ROBO2: variants seen among roughly 807,000 people sequenced by gnomAD.
ROBO2 encodes roundabout guidance receptor 2, also known as roundabout homolog 2.
A neutral mutation model predicts 160.8 loss-of-function variants in ROBO2; 53 were observed. That is an observed-to-expected ratio of 0.33 (90% CI 0.26 to 0.41). The LOEUF (loss-of-function observed/expected upper bound fraction) is 0.41. Ranked by LOEUF, ROBO2 falls within the 10% of genes least tolerant of loss-of-function variation. The pLI, the probability that ROBO2 is intolerant of heterozygous loss-of-function variation, is 1.00. For synonymous variants in ROBO2, 664 were observed against 611.7 expected (o/e 1.09, Z -1.26); for missense variants, 1,577 against 1,722.4 (o/e 0.92, Z 1.49).
chr3:76,441,676 G>C (rs2076932431), intron 2 of ROBO2, among the ~76,000 whole-genome samples: 1 of 152,134 alleles, frequency 6.6e-6, no homozygotes, highest in South Asian at 2.1e-4. Context: ...AAGAGAGCAA[G>C]GGAGTCCATT....
At chr3:77,143,693 G>C (rs1260486676) in intron 2 of ROBO2, among the ~76,000 whole-genome samples, 1 of 152,106 alleles carries the variant, frequency 6.6e-6, no homozygotes, top group Non-Finnish European at 1.5e-5. Context: ...AAAATATAGA[G>C]TCGAGAGTAT....
chr3:76,402,348 C>A (rs1310752997), intron 2 of ROBO2, among the ~76,000 whole-genome samples: 1 of 151,520 alleles, frequency 6.6e-6, no homozygotes, highest in African/African-American at 2.4e-5. Context: ...TGCTTGACGA[C>A]ATTTCTGTAA....
In ROBO2 at chr3:76,141,078, A is replaced by ATATATATATATATATATATATAT. The variant is rs1559585714; in HGVS notation, c.109+203476_109+203477insTATATATATATATATATATATAT. Among the ~76,000 whole-genome samples the ATATATATATATATATATATATAT allele has an allele frequency of 2.9e-3, 51 of 17,538 alleles. 5 individuals are homozygous for ATATATATATATATATATATATAT. The highest frequency in any genetic ancestry group is 8.1e-3 in the African/African-American group (50 of 6,162). 11.5% of individuals were successfully genotyped at this position (17,538 alleles called of 152,430 possible). On this transcript the variant is annotated intron_variant, in intron 2 of 26. Coordinates refer to the ROBO2 transcript ENST00000487694. ...TTACATACATATATATATATATATA[A>ATATATATATATATATATATATAT]AATATATGTGCCTGGGTTTATAGGT...
At chr3:77,577,352 C>G in intron 14 of ROBO2, 138 bp from the exon 16 acceptor site, 1 of 963,958 alleles carries the variant, frequency 1.0e-6, no homozygotes, top group East Asian at 2.5e-5. Context: ...AAAACTGTCA[C>G]TGTTGAACAC....
chr3:77,436,802 G>A (rs1341920963), intron 2 of ROBO2, among the ~76,000 whole-genome samples: 1 of 151,778 alleles, frequency 6.6e-6, no homozygotes, highest in Non-Finnish European at 1.5e-5. Flanking sequence ...CCAATTTGAA[G>A]TCTATTCAAA....
rs1553727226 is a variant in ROBO2 at position 76,049,383 on chromosome 3, GTA to G, written c.109+111801_109+111802del. 2.1e-3 allele frequency among the ~76,000 whole-genome samples: 77 copies of G among 36,806 alleles called. 1 individual carries two copies. The highest frequency in any genetic ancestry group is 8.7e-3 in the South Asian group (8 of 918). 24.1% of individuals were successfully genotyped at this position (36,806 alleles called of 152,430 possible). On this transcript the variant is annotated intron_variant, in intron 2 of 26. Coordinates refer to the ROBO2 transcript ENST00000487694. The stretch of plus-strand genomic sequence containing the variant: ...ATGCCACCACCCCTGGCTAATTTTA[GTA>G]TATATATATATATATATATTTTTTT...
intron 2 of ROBO2, among the ~76,000 whole-genome samples, chr3:76,169,131 T>A (rs2072942399): frequency 6.6e-6 from 1 of 152,172 alleles, no homozygotes; most frequent in African/African-American, 2.4e-5. Flanking sequence ...ATTTTCTTTC[T>A]AGAAGATACC....
At chr3:77,360,154 C>T (rs537045687) in intron 2 of ROBO2, among the ~76,000 whole-genome samples, 1 of 152,030 alleles carries the variant, frequency 6.6e-6, no homozygotes, top group Non-Finnish European at 1.5e-5. Flanking sequence ...ACTTCTTTAT[C>T]AGTCACCACA....
At chr3:77,512,874 T>A (rs1028146491) in intron 5 of ROBO2, among the ~76,000 whole-genome samples, 4 of 151,962 alleles carry the variant, frequency 2.6e-5, no homozygotes, top group Admixed American at 2.6e-4. Context: ...GTTCAATTCA[T>A]AGTTTTTACT....
chr3:76,560,083 CTCTTT>C (rs769066827), intron 2 of ROBO2, among the ~76,000 whole-genome samples: 1 of 151,930 alleles, frequency 6.6e-6, no homozygotes. Flanking sequence ...TAATTTGCTT[CTCTTT>C]TATTTTTCTC....
chr3:76,185,551 C>G (rs142143565), intron 2 of ROBO2, among the ~76,000 whole-genome samples: 1 of 151,726 alleles, frequency 6.6e-6, no homozygotes, highest in Non-Finnish European at 1.5e-5. Context: ...AGAACAGGAC[C>G]CAGGTGGCAT....
At chr3:76,442,869 T>C (rs2076989073) in intron 2 of ROBO2, among the ~76,000 whole-genome samples, 1 of 152,190 alleles carries the variant, frequency 6.6e-6, no homozygotes, top group Non-Finnish European at 1.5e-5. Context: ...TTATTAGTTA[T>C]TGTTACTCTC....
chr3:76,021,288 T>C (rs937421655), intron 2 of ROBO2, among the ~76,000 whole-genome samples: 3 of 151,806 alleles, frequency 2.0e-5, no homozygotes, highest in Non-Finnish European at 4.4e-5. Flanking sequence ...TTTGTCTCCT[T>C]ACTTGTTTAT....
chr3:77,407,607 T>C lies in ROBO2; in HGVS notation c.389-69807T>C, dbSNP rs1189596040. Among the ~76,000 whole-genome samples, 5 of 152,238 alleles carry C rather than the reference T, an allele frequency of 3.3e-5. No individual in the cohort carries two copies. In the East Asian group the frequency reaches 5.8e-4, roughly 18 times the overall value. ...GTTTCTCCATCACTCCTGCAGCGTT[T>C]ACTTTATGTATCAGGAGTTAATTAA... is the stretch of plus-strand genomic sequence containing the variant. On this transcript the variant is annotated intron_variant, in intron 2 of 25. Transcript: ENST00000461745.
intron 2 of ROBO2, among the ~76,000 whole-genome samples, chr3:76,253,641 T>C (rs1706176874): frequency 6.6e-6 from 1 of 150,604 alleles, no homozygotes; most frequent in African/African-American, 2.4e-5. Context: ...AATACTATCA[T>C]GTGAGAGGAG....
chr3:77,459,761 A>T (rs1184884605), intron 2 of ROBO2, among the ~76,000 whole-genome samples: 1 of 152,062 alleles, frequency 6.6e-6, no homozygotes, highest in East Asian at 1.9e-4. Context: ...AGGCCAACTA[A>T]ATAATGTAGA....
intron 2 of ROBO2, among the ~76,000 whole-genome samples, chr3:76,894,086 C>A (rs557264095): frequency 6.6e-6 from 1 of 152,012 alleles, no homozygotes; most frequent in African/African-American, 2.4e-5. Flanking sequence ...CTTTTGAAGT[C>A]TTGGTCTGTA....
intron 2 of ROBO2, among the ~76,000 whole-genome samples, chr3:77,281,517 AC>A (rs1031761361): frequency 2.1e-5 from 3 of 143,964 alleles, no homozygotes; most frequent in Non-Finnish European, 4.6e-5. Flanking sequence ...AAAAAAAAAA[AC>A]CACCAGAAAT....
chr3:76,813,221 C>T (rs1236233414), intron 2 of ROBO2, among the ~76,000 whole-genome samples: 2 of 151,978 alleles, frequency 1.3e-5, no homozygotes, highest in African/African-American at 4.8e-5. Flanking sequence ...AAGACATTTT[C>T]CATGTTTAAA....
Sources: gnomAD v4.1 joint callset for allele counts (sites outside exome capture counted in the v4.1 genomes callset) on GRCh38, gnomAD v4.1.1 for gene constraint, MANE v1.5 for transcripts, NCBI Gene and HGNC (gene_info 2026-07-23, HGNC 2026-07-21) for gene names.